RSPH10B: variants seen among roughly 807,000 people sequenced by gnomAD.
The protein encoded by RSPH10B is radial spoke head 10 homolog B (Chlamydomonas).
Under a neutral mutation model 52.5 loss-of-function variants are expected in RSPH10B, and 7 were observed. That is an observed-to-expected ratio of 0.13 (90% CI 0.08 to 0.25). The LOEUF is 0.25. Ranked by LOEUF, RSPH10B falls within the 10% of genes least tolerant of loss-of-function variation. RSPH10B has a pLI of 1.00. For synonymous variants in RSPH10B, 28 were observed against 193.2 expected (o/e 0.14, Z 7.09); for missense variants, 89 against 542.5 (o/e 0.16, Z 8.30).
intron 17 of RSPH10B, among the ~76,000 whole-genome samples, chr7:5,929,481 C>T (rs1264213102): frequency 1.2e-5 from 1 of 81,712 alleles, no homozygotes; most frequent in Non-Finnish European, 2.3e-5. Context: ...GTCTTGGGGA[C>T]AAAATATTCG....
At chr7:5,954,851 A>G (rs1329980780) in intron 7 of RSPH10B, among the ~76,000 whole-genome samples, 1 of 72,192 alleles carries the variant, frequency 1.4e-5, no homozygotes, top group Non-Finnish European at 2.7e-5. Context: ...ACCACTAAAT[A>G]TATAGGAAAT....
chr7:5,943,894 A>G lies in RSPH10B; in HGVS notation c.1609+17T>C, dbSNP rs1440737866. On this transcript the variant is annotated intron_variant, in intron 12 of 18. Coordinates refer to ENST00000337579, the Ensembl canonical transcript of RSPH10B. ...AAAATGGGGCGGTAAATAGAATCCT[A>G]CTGGTTTTGTATTTACCTTTTATCT... is the stretch of plus-strand genomic sequence containing the variant. 16 of 1,608,228 alleles carry G rather than the reference A, an allele frequency of 9.9e-6. 1 individual carries two copies. The highest frequency in any genetic ancestry group is 1.4e-5 in the Non-Finnish European group (16 of 1,177,486).
At chr7:5,943,715 T>C (rs1042107956) in intron 12 of RSPH10B, among the ~76,000 whole-genome samples, 196 bp downstream of exon 14, 1 of 150,636 alleles carries the variant, frequency 6.6e-6, no homozygotes, top group Non-Finnish European at 1.5e-5. Context: ...GGCTAATTTT[T>C]TTGTATTTCT....
At chr7:5,927,090 G>GTGTGTATATATA (rs1779525261) in intron 18 of RSPH10B, among the ~76,000 whole-genome samples, 1 of 74,432 alleles carries the variant, frequency 1.3e-5, no homozygotes, top group African/African-American at 5.3e-5. Flanking sequence ...GTGTGTGTGT[G>GTGTGTATATATA]TGTGTGTATT....
At chr7:5,942,421 G>T (rs1400325409) in intron 13 of RSPH10B, among the ~76,000 whole-genome samples, 1 of 131,012 alleles carries the variant, frequency 7.6e-6, no homozygotes, top group Non-Finnish European at 1.7e-5. Flanking sequence ...TAGAGAGGGG[G>T]ATCTCACTAT....
At chr7:5,928,928 CTCT>C (rs1302455681) in intron 17 of RSPH10B, among the ~76,000 whole-genome samples, 5 of 147,614 alleles carry the variant, frequency 3.4e-5, no homozygotes, top group Non-Finnish European at 7.4e-5. Flanking sequence ...GCCCAGCCAC[CTCT>C]TTTTTTTCTA....
At chr7:5,942,926 AT>A (rs10616078) in intron 13 of RSPH10B, among the ~76,000 whole-genome samples, 13,492 of 140,100 alleles carry the variant, frequency 0.096, 39 homozygotes, top group Admixed American at 0.18. Flanking sequence ...ATATATATAT[AT>A]TTTTTTTTAA....
chr7:5,928,895 G>A (rs571189193), intron 17 of RSPH10B, among the ~76,000 whole-genome samples: 1 of 148,668 alleles, frequency 6.7e-6, no homozygotes, highest in East Asian at 2.2e-4. Context: ...CAAAGTGCTG[G>A]GATTACAGGC....
At chr7:5,957,735 G>T (rs1420717425) in intron 6 of RSPH10B, among the ~76,000 whole-genome samples, 172 bp downstream of exon 8, 23 of 129,698 alleles carry the variant, frequency 1.8e-4, no homozygotes, top group Non-Finnish European at 3.2e-4. Flanking sequence ...GGTGGAGGCT[G>T]CAGTGAGCCA....
intron 13 of RSPH10B, among the ~76,000 whole-genome samples, chr7:5,942,772 G>C (rs1179611840): frequency 6.6e-6 from 1 of 150,784 alleles, no homozygotes; most frequent in Non-Finnish European, 1.5e-5. Flanking sequence ...TGAGGCAGGA[G>C]AATTGCTTGA....
chr7:5,928,563 G>A (rs866113815), intron 17 of RSPH10B, among the ~76,000 whole-genome samples, 169 bp from the exon 20 acceptor site: 5 of 151,232 alleles, frequency 3.3e-5, no homozygotes, highest in Middle Eastern at 3.2e-3. Context: ...ACAAGGCAGG[G>A]GCTCAGCAGA....
chr7:5,927,070 A>ATATGTGTG (rs1554284566), intron 18 of RSPH10B, among the ~76,000 whole-genome samples: 31 of 110,670 alleles, frequency 2.8e-4, no homozygotes, highest in Middle Eastern at 5.5e-3. Flanking sequence ...GTGTGTGTAT[A>ATATGTGTG]TGTGTGTGTG....
chr7:5,956,655 A>G, intron 6 of RSPH10B, among the ~76,000 whole-genome samples: 1 of 150,466 alleles, frequency 6.6e-6, no homozygotes, highest in Non-Finnish European at 1.5e-5. Flanking sequence ...TGCAGCCTCA[A>G]CCTCCAAGAC....
chr7:5,967,083 CT>C lies in RSPH10B; in HGVS notation c.33del (p.Glu13ArgfsTer14). On this transcript the variant is annotated frameshift_variant, in exon 1 of 19. Transcript: ENST00000337579. LOFTEE classifies it high-confidence loss of function. ...GAGGGAGAGCGGGCAGACTTCTCCC[CT>C]TTTTTGTCTGCTTTTTTCTTTTCTT... 1 of 787,278 alleles carries C rather than the reference CT, an allele frequency of 1.3e-6. No individual in the cohort carries two copies. Among genetic ancestry groups the C allele is most frequent in the South Asian group, 1.4e-5 (1 of 73,710 alleles). The allele number at this position is 787,278 out of a possible 1,614,324, so 48.8% of individuals were successfully genotyped here.
At chr7:5,931,649 A>G (rs1779778751) in intron 17 of RSPH10B, among the ~76,000 whole-genome samples, 1 of 149,852 alleles carries the variant, frequency 6.7e-6, no homozygotes, top group African/African-American at 2.5e-5. Context: ...GAGTTCTTGG[A>G]TCCAGGAGTT....
chr7:5,942,632 C>A (rs747606357), intron 13 of RSPH10B, among the ~76,000 whole-genome samples: 2,170 of 144,488 alleles, frequency 0.015, 17 homozygotes, highest in African/African-American at 0.053. Flanking sequence ...GAGGCTGAGG[C>A]GGGTGGATCA....
chr7:5,943,425 T>C (rs758338876), exon 13 of RSPH10B: 2 of 1,602,536 alleles, frequency 1.2e-6, no homozygotes, highest in Non-Finnish European at 1.7e-6. Flanking sequence ...CACTTATTCA[T>C]GTAACTCATA....
chr7:5,955,086 G>A (rs1211012829), intron 7 of RSPH10B, among the ~76,000 whole-genome samples: 2 of 134,918 alleles, frequency 1.5e-5, no homozygotes, highest in African/African-American at 2.7e-5. Flanking sequence ...AATCACTTGC[G>A]CCCGGGAGGC....
intron 4 of RSPH10B, among the ~76,000 whole-genome samples, chr7:5,960,432 A>G (rs1780883238): frequency 2.9e-5 from 2 of 70,100 alleles, no homozygotes; most frequent in South Asian, 7.8e-4. Flanking sequence ...AAAAATTAAT[A>G]AAATGGTTAA....
Sources: gnomAD v4.1 joint callset for allele counts (sites outside exome capture counted in the v4.1 genomes callset) on GRCh38, gnomAD v4.1.1 for gene constraint, MANE v1.5 for transcripts, NCBI Gene and HGNC (gene_info 2026-07-23, HGNC 2026-07-21) for gene names.